FRMPD4: variants seen among roughly 807,000 people sequenced by gnomAD.
The protein encoded by FRMPD4 is FERM and PDZ domain containing 4.
FRMPD4 carries 22 observed loss-of-function variants against 94.1 expected under a neutral mutation model. The observed-to-expected ratio is 0.23, with a 90% CI of 0.17 to 0.33. The LOEUF (loss-of-function observed/expected upper bound fraction) is 0.33, where lower values mean the gene tolerates loss of function less well. Ranked by LOEUF, FRMPD4 falls within the 10% of genes least tolerant of loss-of-function variation. The pLI is 1.00. For missense variants in FRMPD4, 1,111 were observed against 1,339.9 expected (o/e 0.83, Z 2.67); for synonymous variants, 631 against 548.6 (o/e 1.15, Z -2.10).
intron 1 of FRMPD4, among the ~76,000 whole-genome samples, chrX:12,266,132 C>CAAAAAAAAAAAA (rs3990340): frequency 1.2e-4 from 3 of 25,771 alleles, no homozygotes; most frequent in Non-Finnish European, 1.5e-4. Flanking sequence ...GACTCCGTCT[C>CAAAAAAAAAAAA]AAAAAAAAAA....
At chrX:11,941,916 T>C (rs2054162041) in intron 3 of FRMPD4, among the ~76,000 whole-genome samples, 1 of 111,828 alleles carries the variant, frequency 8.9e-6, no homozygotes, top group South Asian at 3.8e-4. Context: ...CAGTTGTCAC[T>C]CGTCAGTTGT....
chrX:12,479,246 G>C (rs1048900205), intron 1 of FRMPD4, among the ~76,000 whole-genome samples: 5 of 108,157 alleles, frequency 4.6e-5, no homozygotes, highest in African/African-American at 1.7e-4. Flanking sequence ...CCATCCTTTT[G>C]TGTTTGGTAA....
chrX:12,379,595 AAT>A (rs1243475656), intron 1 of FRMPD4, among the ~76,000 whole-genome samples: 4 of 110,011 alleles, frequency 3.6e-5, no homozygotes, highest in South Asian at 7.9e-4. Flanking sequence ...GATAATTTGT[AAT>A]ATGTTATAAA....
intron 3 of FRMPD4, among the ~76,000 whole-genome samples, chrX:12,614,355 G>A (rs2059214120): frequency 9.0e-6 from 1 of 110,621 alleles, no homozygotes; most frequent in Admixed American, 9.6e-5. Context: ...TACCTGTTGA[G>A]AGAATAGCTC....
intron 1 of FRMPD4, among the ~76,000 whole-genome samples, chrX:11,831,539 G>C (rs1183492679): frequency 3.6e-5 from 4 of 111,679 alleles, no homozygotes; most frequent in Non-Finnish European, 3.8e-5. Flanking sequence ...AGATGAGTCT[G>C]GGGCTCTTAG....
At chrX:12,609,987 T>G (rs1304706758) in intron 3 of FRMPD4, 106 bp downstream of exon 3, 1 of 791,719 alleles carries the variant, frequency 1.3e-6, no homozygotes, top group African/African-American at 2.1e-5. Flanking sequence ...AAGCTGGATA[T>G]GTTTTTCCAA....
chrX:11,855,989 A>G (rs1231137074), intron 1 of FRMPD4, among the ~76,000 whole-genome samples: 1 of 112,047 alleles, frequency 8.9e-6, no homozygotes, highest in Non-Finnish European at 1.9e-5. Context: ...GACAATTTAT[A>G]AAGGAATTAG....
intron 2 of FRMPD4, among the ~76,000 whole-genome samples, chrX:12,526,621 T>C (rs779636540): frequency 8.9e-6 from 1 of 111,879 alleles, no homozygotes; most frequent in Non-Finnish European, 1.9e-5. Context: ...TAACACATTC[T>C]CTAAATCTTC....
intron 1 of FRMPD4, among the ~76,000 whole-genome samples, chrX:12,280,463 A>T (rs1569216560): frequency 3.6e-5 from 4 of 109,908 alleles, no homozygotes; most frequent in African/African-American, 1.3e-4. Context: ...GAAAAAACCC[A>T]TCTGCCATTC....
intron 3 of FRMPD4, among the ~76,000 whole-genome samples, chrX:12,031,524 C>T (rs1311505985): frequency 9.0e-6 from 1 of 111,184 alleles, no homozygotes; most frequent in Non-Finnish European, 1.9e-5. Context: ...TGATTCTCAA[C>T]CAGGGATGAA....
intron 1 of FRMPD4, among the ~76,000 whole-genome samples, chrX:11,857,769 A>G (rs1432214340): frequency 1.8e-5 from 2 of 112,799 alleles, no homozygotes; most frequent in African/African-American, 3.2e-5. Context: ...CATCAAACAG[A>G]CAACCTATAG....
intron 3 of FRMPD4, among the ~76,000 whole-genome samples, chrX:12,094,943 A>G (rs1040429729): frequency 2.7e-5 from 3 of 111,933 alleles, no homozygotes; most frequent in Non-Finnish European, 5.6e-5. Flanking sequence ...ACCCAAACTC[A>G]GGTTTTACTC....
intron 3 of FRMPD4, among the ~76,000 whole-genome samples, chrX:11,970,586 A>T (rs1030003885): frequency 8.9e-6 from 1 of 112,408 alleles, no homozygotes; most frequent in Non-Finnish European, 1.9e-5. Context: ...AATGTTCTTC[A>T]TAGATATGAA....
chrX:12,248,348 G>C (rs2053984321), intron 1 of FRMPD4, among the ~76,000 whole-genome samples: 1 of 112,137 alleles, frequency 8.9e-6, no homozygotes, highest in Non-Finnish European at 1.9e-5. Flanking sequence ...TCTAGAGCAA[G>C]GATTCTCAAC....
At chrX:11,833,099 C>T (rs766694655) in intron 1 of FRMPD4, among the ~76,000 whole-genome samples, 1 of 112,175 alleles carries the variant, frequency 8.9e-6, no homozygotes. Context: ...AGTATGTAGA[C>T]TTTTCAGATT....
intron 1 of FRMPD4, among the ~76,000 whole-genome samples, chrX:11,854,547 AT>A (rs1188322192): frequency 8.9e-6 from 1 of 112,548 alleles, no homozygotes; most frequent in Non-Finnish European, 1.9e-5. Flanking sequence ...GGGTATAGGC[AT>A]TGGGTAAAAT....
intron 1 of FRMPD4, among the ~76,000 whole-genome samples, chrX:12,472,485 C>A (rs967507040): frequency 8.9e-6 from 1 of 112,043 alleles, no homozygotes; most frequent in Non-Finnish European, 1.9e-5. Context: ...CAGAGATACG[C>A]ATAGGCTCAT....
intron 3 of FRMPD4, among the ~76,000 whole-genome samples, chrX:12,083,729 C>T (rs1006330209): frequency 9.8e-5 from 11 of 112,701 alleles, no homozygotes; most frequent in Non-Finnish European, 2.1e-4. Context: ...CCTCTTGCAT[C>T]TGAATGACCT....
intron 2 of FRMPD4, among the ~76,000 whole-genome samples, chrX:12,567,964 T>A (rs187542744): frequency 8.9e-6 from 1 of 111,884 alleles, no homozygotes; most frequent in African/African-American, 3.2e-5. Flanking sequence ...TATTTTTTAA[T>A]AATATCAACA....
Sources: gnomAD v4.1 joint callset for allele counts (sites outside exome capture counted in the v4.1 genomes callset) on GRCh38, gnomAD v4.1.1 for gene constraint, MANE v1.5 for transcripts, NCBI Gene and HGNC (gene_info 2026-07-23, HGNC 2026-07-21) for gene names.